Variants in GRIN2B observed in about 807,000 individuals in gnomAD.
GRIN2B encodes glutamate ionotropic receptor NMDA type subunit 2B.
GRIN2B carries 5 observed loss-of-function variants against 114.5 expected under a neutral mutation model. That is an observed-to-expected ratio of 0.04 (90% CI 0.02 to 0.09). The LOEUF is 0.09. GRIN2B is among the 10% of genes least tolerant of loss of function. The pLI is 1.00. For missense variants in GRIN2B, 1,108 were observed against 1,943.5 expected (o/e 0.57, Z 8.08); for synonymous variants, 787 against 745.1 (o/e 1.06, Z -0.92).
chr12:13,950,178 A>G (rs1867455128), intron 2 of GRIN2B, among the ~76,000 whole-genome samples: 1 of 152,242 alleles, frequency 6.6e-6, no homozygotes, highest in East Asian at 1.9e-4. Context: ...AAGAATAGCC[A>G]GTCAAAATAG....
chr12:13,679,159 G>A (rs1950105832), intron 4 of GRIN2B, among the ~76,000 whole-genome samples: 1 of 152,140 alleles, frequency 6.6e-6, no homozygotes, highest in Non-Finnish European at 1.5e-5. Context: ...ATCAGACACT[G>A]TGCTGAATAA....
intron 2 of GRIN2B, among the ~76,000 whole-genome samples, chr12:13,887,817 T>C (rs1437671120): frequency 1.3e-5 from 2 of 152,208 alleles, no homozygotes; most frequent in Non-Finnish European, 2.9e-5. Flanking sequence ...CATTTACTTC[T>C]GAAGCTTGCT....
chr12:13,970,393 CA>C (rs1362317960), intron 2 of GRIN2B, among the ~76,000 whole-genome samples: 5 of 152,142 alleles, frequency 3.3e-5, no homozygotes, highest in Non-Finnish European at 5.9e-5. Flanking sequence ...TAGTAAATCT[CA>C]CCCAAAGCAT....
At chr12:13,956,380 T>A (rs1867592710) in intron 2 of GRIN2B, among the ~76,000 whole-genome samples, 1 of 152,208 alleles carries the variant, frequency 6.6e-6, no homozygotes, top group African/African-American at 2.4e-5. Flanking sequence ...GATCTCTGAT[T>A]TAAATGACAA....
intron 2 of GRIN2B, 65 bp from the exon 3 acceptor site, chr12:13,866,291 G>C (rs990220186): frequency 7.3e-7 from 1 of 1,368,268 alleles, no homozygotes. Flanking sequence ...CTTAGAAGAG[G>C]CTAGATACTG....
intron 4 of GRIN2B, among the ~76,000 whole-genome samples, chr12:13,725,594 A>G (rs1045354274): frequency 4.6e-5 from 7 of 152,254 alleles, no homozygotes; most frequent in African/African-American, 1.7e-4. Context: ...CAGATCGGAT[A>G]CACAGACTCT....
At chr12:13,810,374 G>A (rs547584181) in intron 3 of GRIN2B, among the ~76,000 whole-genome samples, 3 of 151,890 alleles carry the variant, frequency 2.0e-5, no homozygotes, top group East Asian at 1.9e-4. Context: ...GTGTGTGCGC[G>A]CATTTGGTTT....
chr12:13,832,356 A>G (rs1346352895), intron 3 of GRIN2B, among the ~76,000 whole-genome samples: 2 of 152,142 alleles, frequency 1.3e-5, no homozygotes, highest in African/African-American at 4.8e-5. Flanking sequence ...ATTCCTCCTC[A>G]TCTCACCCTT....
chr12:13,846,317 A>G (rs1383884399), intron 3 of GRIN2B, among the ~76,000 whole-genome samples: 1 of 152,240 alleles, frequency 6.6e-6, no homozygotes, highest in African/African-American at 2.4e-5. Flanking sequence ...ACCATCCGCT[A>G]CATTGCCCAT....
At chr12:13,684,707 A>T (rs1241730942) in intron 4 of GRIN2B, among the ~76,000 whole-genome samples, 1 of 152,172 alleles carries the variant, frequency 6.6e-6, no homozygotes, top group Non-Finnish European at 1.5e-5. Flanking sequence ...CACTGAATAA[A>T]ATTCCTTTCT....
rs1029950282 is a variant in GRIN2B, at chr12:13,722,656, CAA to C, written c.1010+30659_1010+30660del. On this transcript the variant is annotated intron_variant, in intron 4 of 13. Coordinates refer to ENST00000609686, the MANE Select transcript of GRIN2B (RefSeq NM_000834.5). ...AGGATATGTAATAGGCTCAGAGTGA[CAA>C]GAGAGAGTGCGAAGTTATTTTGAAG... Among the ~76,000 whole-genome samples the C allele has an allele frequency of 5.9e-5, 9 of 152,028 alleles. 1 individual carries two copies. The highest frequency in any genetic ancestry group is 2.1e-4 in the South Asian group (1 of 4,834).
chr12:13,761,415 G>C (rs1330098075), intron 3 of GRIN2B, among the ~76,000 whole-genome samples: 6 of 152,162 alleles, frequency 3.9e-5, no homozygotes, highest in Non-Finnish European at 5.9e-5. Context: ...CTAGGTCACA[G>C]AGACAACTTT....
At chr12:13,605,543 T>TGA (rs1949231211) in intron 10 of GRIN2B, among the ~76,000 whole-genome samples, 7 of 75,182 alleles carry the variant, frequency 9.3e-5, no homozygotes, top group African/African-American at 1.6e-4. Flanking sequence ...TCTCTCTCTC[T>TGA]CTCTCTCTGA....
chr12:13,562,653 CATAA>C lies in GRIN2B; in HGVS notation c.*126_*129del. The C allele has an allele frequency of 1.2e-6, 1 of 825,118 alleles. No homozygotes were observed. The highest frequency in any genetic ancestry group is 1.5e-5 in the South Asian group (1 of 68,904). 51.1% of individuals were successfully genotyped at this position (825,118 alleles called of 1,614,324 possible). ...AGTAGGAACCAGAACTCCAGGATCC[CATAA>C]ATAAATTAAAACAAGAAAGGAGCAA... On this transcript the variant is annotated 3_prime_UTR_variant, in exon 14 of 14. Coordinates refer to ENST00000609686, the MANE Select transcript of GRIN2B (RefSeq NM_000834.5).
intron 5 of GRIN2B, among the ~76,000 whole-genome samples, chr12:13,665,285 A>G (rs1194741044): frequency 6.6e-6 from 1 of 150,632 alleles, no homozygotes; most frequent in African/African-American, 2.5e-5. Context: ...TCTTCCTTCT[A>G]TTTTTGCTAA....
chr12:13,582,376 A>G (rs1948864635), intron 10 of GRIN2B, among the ~76,000 whole-genome samples: 1 of 152,252 alleles, frequency 6.6e-6, no homozygotes, highest in African/African-American at 2.4e-5. Context: ...GGTATATAGG[A>G]AAATTGCCCA....
chr12:13,906,809 T>C (rs1370237535), intron 2 of GRIN2B, among the ~76,000 whole-genome samples: 1 of 152,220 alleles, frequency 6.6e-6, no homozygotes, highest in East Asian at 1.9e-4. Flanking sequence ...TTGTATCATA[T>C]TAATTTGAAA....
chr12:13,831,651 G>T (rs1029545950), intron 3 of GRIN2B, among the ~76,000 whole-genome samples: 4 of 152,202 alleles, frequency 2.6e-5, no homozygotes, highest in Non-Finnish European at 4.4e-5. Context: ...AGGCTCATGT[G>T]GGGGAGCCCG....
chr12:13,692,132 C>T (rs1209969767), intron 4 of GRIN2B, among the ~76,000 whole-genome samples: 1 of 152,088 alleles, frequency 6.6e-6, no homozygotes, highest in Non-Finnish European at 1.5e-5. Flanking sequence ...AACTCACTTT[C>T]CCAAGTTTTT....
Sources: gnomAD v4.1 joint callset for allele counts (sites outside exome capture counted in the v4.1 genomes callset) on GRCh38, gnomAD v4.1.1 for gene constraint, MANE v1.5 for transcripts, NCBI Gene and HGNC (gene_info 2026-07-23, HGNC 2026-07-21) for gene names.